FOXN3: variants seen among roughly 807,000 people sequenced by gnomAD.
FOXN3 encodes forkhead box protein N3.
A neutral mutation model predicts 38.4 loss-of-function variants in FOXN3; 7 were observed. The observed-to-expected ratio is 0.18, with a 90% confidence interval of 0.10 to 0.34. The LOEUF (loss-of-function observed/expected upper bound fraction) is 0.34, where lower values mean the gene tolerates loss of function less well. Ranked by LOEUF, FOXN3 falls within the 10% of genes least tolerant of loss-of-function variation. FOXN3 has a pLI of 1.00. For synonymous variants in FOXN3, 230 were observed against 242.2 expected (o/e 0.95, Z 0.47); for missense variants, 456 against 613.4 (o/e 0.74, Z 2.71).
chr14:89,358,746 G>A (rs373396297), intron 2 of FOXN3, among the ~76,000 whole-genome samples: 29 of 152,358 alleles, frequency 1.9e-4, no homozygotes, highest in African/African-American at 7.0e-4. Context: ...CCACCCATGT[G>A]TGGGGTCAGT....
At chr14:89,189,958 G>A (rs938467395) in intron 4 of FOXN3, among the ~76,000 whole-genome samples, 1 of 152,176 alleles carries the variant, frequency 6.6e-6, no homozygotes, top group African/African-American at 2.4e-5. Context: ...GCAGCCTGGC[G>A]ATGAGGTCCC....
chr14:89,183,584 G>A (rs1238841507), intron 4 of FOXN3, among the ~76,000 whole-genome samples: 1 of 152,124 alleles, frequency 6.6e-6, no homozygotes, highest in African/African-American at 2.4e-5. Flanking sequence ...AGGGGTATTT[G>A]GGAAGGCTTC....
intron 1 of FOXN3, among the ~76,000 whole-genome samples, chr14:89,615,260 T>C (rs1896474425): frequency 6.6e-6 from 1 of 151,972 alleles, no homozygotes; most frequent in South Asian, 2.1e-4. Flanking sequence ...AAATCGACAC[T>C]GGCATTTGGT....
chr14:89,436,352 A>T (rs34772335), intron 1 of FOXN3, among the ~76,000 whole-genome samples: 44,415 of 151,438 alleles, frequency 0.29, 6,856 homozygotes, highest in East Asian at 0.56. Context: ...CCTTAGGAAG[A>T]CTTTTGGTCA....
chr14:89,323,770 A>G (rs1887963027), intron 3 of FOXN3, among the ~76,000 whole-genome samples: 2 of 152,138 alleles, frequency 1.3e-5, no homozygotes, highest in Non-Finnish European at 1.5e-5. Context: ...GGCAGTGACA[A>G]CATCGATCTA....
chr14:89,306,858 A>G (rs1305567372), intron 3 of FOXN3, among the ~76,000 whole-genome samples: 1 of 152,242 alleles, frequency 6.6e-6, no homozygotes, highest in East Asian at 1.9e-4. Flanking sequence ...ATTTCTTGAC[A>G]AGTGAAAATT....
At chr14:89,228,393 C>T (rs1203716988) in intron 4 of FOXN3, among the ~76,000 whole-genome samples, 1 of 152,178 alleles carries the variant, frequency 6.6e-6, no homozygotes, top group African/African-American at 2.4e-5. Context: ...TACTGCAAAA[C>T]TTGGTGACAT....
At chr14:89,186,280 G>T (rs1887805576) in intron 4 of FOXN3, among the ~76,000 whole-genome samples, 1 of 152,066 alleles carries the variant, frequency 6.6e-6, no homozygotes, top group South Asian at 2.1e-4. Flanking sequence ...CCAGGCAGGG[G>T]GAGGAACGCC....
At chr14:89,528,240 T>C (rs886147892) in intron 1 of FOXN3, among the ~76,000 whole-genome samples, 1 of 152,156 alleles carries the variant, frequency 6.6e-6, no homozygotes, top group Non-Finnish European at 1.5e-5. Context: ...AGTTTTGTGA[T>C]AGCCCTAAAC....
intron 1 of FOXN3, among the ~76,000 whole-genome samples, chr14:89,516,703 A>G (rs1010489318): frequency 6.6e-6 from 1 of 151,816 alleles, no homozygotes; most frequent in Non-Finnish European, 1.5e-5. Context: ...CTGAGACTAT[A>G]GGCATGCACC....
intron 4 of FOXN3, among the ~76,000 whole-genome samples, chr14:89,220,324 T>A (rs1460724611): frequency 6.6e-6 from 1 of 152,210 alleles, no homozygotes; most frequent in Non-Finnish European, 1.5e-5. Context: ...TTAACCTCTT[T>A]GTGCTCCAGT....
intron 1 of FOXN3, among the ~76,000 whole-genome samples, chr14:89,583,002 T>C (rs1014744079): frequency 4.6e-5 from 7 of 152,220 alleles, no homozygotes; most frequent in Non-Finnish European, 8.8e-5. Context: ...ATACCACCAT[T>C]TGATTTCTCA....
intron 1 of FOXN3, among the ~76,000 whole-genome samples, chr14:89,437,813 C>G (rs1227313697): frequency 6.6e-6 from 1 of 152,162 alleles, no homozygotes; most frequent in African/African-American, 2.4e-5. Context: ...CTGTAGGAAC[C>G]CAACCTGAAT....
At chr14:89,506,678 T>C (rs1014975737) in intron 1 of FOXN3, among the ~76,000 whole-genome samples, 50 of 152,116 alleles carry the variant, frequency 3.3e-4, no homozygotes, top group Non-Finnish European at 6.2e-4. Flanking sequence ...TTTTGTGGAA[T>C]AGAAAGGCGG....
chr14:89,465,577 T>C (rs547200228), intron 1 of FOXN3, among the ~76,000 whole-genome samples: 1 of 152,318 alleles, frequency 6.6e-6, no homozygotes, highest in South Asian at 2.1e-4. Flanking sequence ...AGAAGAACTT[T>C]TCAAGGGGGT....
At chr14:89,205,006 G>A (rs1696211658) in intron 4 of FOXN3, among the ~76,000 whole-genome samples, 1 of 152,170 alleles carries the variant, frequency 6.6e-6, no homozygotes, top group East Asian at 1.9e-4. Flanking sequence ...CTGATTTTCT[G>A]GTGAGCGAAT....
At chr14:89,547,223 G>GGTTA in intron 1 of FOXN3, among the ~76,000 whole-genome samples, 1 of 137,146 alleles carries the variant, frequency 7.3e-6, no homozygotes, top group African/African-American at 2.7e-5. Flanking sequence ...CCAGACACTA[G>GGTTA]GTTATTTATT....
At chr14:89,470,841 A>C (rs570998760) in intron 1 of FOXN3, among the ~76,000 whole-genome samples, 1 of 152,312 alleles carries the variant, frequency 6.6e-6, no homozygotes, top group East Asian at 1.9e-4. Flanking sequence ...CAAGTCAAGG[A>C]AAGCAAAAGC....
intron 1 of FOXN3, among the ~76,000 whole-genome samples, chr14:89,607,910 G>A (rs370967768): frequency 6.6e-6 from 1 of 151,854 alleles, no homozygotes; most frequent in Non-Finnish European, 1.5e-5. Flanking sequence ...TCCACCTCCC[G>A]GGTTCAAGCG....
Sources: allele counts gnomAD v4.1 joint callset (sites outside exome capture counted in the v4.1 genomes callset), GRCh38; gene constraint gnomAD v4.1.1; transcripts MANE v1.5; gene names NCBI Gene and HGNC (gene_info 2026-07-23, HGNC 2026-07-21).